The following ATP11A variants were observed in gnomAD, a reference collection of about 807,000 sequenced individuals.
ATP11A encodes ATPase phospholipid transporting 11A.
A neutral mutation model predicts 154.4 loss-of-function variants in ATP11A; 81 were observed. The ratio of observed to expected loss-of-function variants is 0.52; its 90% confidence interval spans 0.44 to 0.63. ATP11A has a LOEUF of 0.63. ATP11A is among the 30% of genes least tolerant of loss of function. The pLI, the probability that ATP11A is intolerant of heterozygous loss-of-function variation, is 0.00. For missense variants in ATP11A, 1,316 were observed against 1,474.3 expected (o/e 0.89, Z 1.76); for synonymous variants, 623 against 585.9 (o/e 1.06, Z -0.91).
chr13:112,751,375 T>C (rs187303897), intron 1 of ATP11A, among the ~76,000 whole-genome samples: 4 of 152,298 alleles, frequency 2.6e-5, no homozygotes, highest in Admixed American at 6.5e-5. Context: ...AAATTAGCCC[T>C]TGCCAGGTAC....
chr13:112,848,845 G>A (rs1182748124), intron 17 of ATP11A, among the ~76,000 whole-genome samples: 3 of 152,126 alleles, frequency 2.0e-5, no homozygotes, highest in Admixed American at 6.6e-5. Context: ...GCACCACCAC[G>A]CCTGGCTAAT....
intron 1 of ATP11A, among the ~76,000 whole-genome samples, chr13:112,757,491 A>G (rs1364812759): frequency 2.0e-5 from 3 of 152,234 alleles, no homozygotes; most frequent in African/African-American, 7.2e-5. Context: ...TAGCTTCTCT[A>G]TTTCCACATT....
In ATP11A at chr13:112,838,065, T is replaced by C. The variant is rs1490367487; in HGVS notation, c.1705+1814T>C. On this transcript the variant is annotated intron_variant, in intron 16 of 29. Transcript: ENST00000375645. This position sits in a 1 kb window ranked among gnomAD's most constrained non-coding sequence, Gnocchi z 7.3. ...ACAGTGAGATGTCTACTGATGGTCATAGGATGAGGAACAATCTGTGTGTGA... is the reference window on the plus strand; with the variant it reads ...ACAGTGAGATGTCTACTGATGGTCACAGGATGAGGAACAATCTGTGTGTGA... Among the ~76,000 whole-genome samples the C allele has an allele frequency of 1.3e-5, 2 of 152,020 alleles. No individual in the cohort carries two copies. The highest frequency in any genetic ancestry group is 1.3e-4 in the Admixed American group (2 of 15,282).
chr13:112,731,259 G>T (rs922791102), intron 1 of ATP11A, among the ~76,000 whole-genome samples: 5 of 152,170 alleles, frequency 3.3e-5, no homozygotes, highest in African/African-American at 1.2e-4. Flanking sequence ...ATGAGCTACT[G>T]TGTCCGGCCT....
chr13:112,845,547 A>G (rs1443777375), intron 17 of ATP11A, among the ~76,000 whole-genome samples: 2 of 117,916 alleles, frequency 1.7e-5, no homozygotes, highest in African/African-American at 4.0e-5. Flanking sequence ...AGTTGCTGGC[A>G]CTAGCGGTAC....
chr13:112,825,639 A>C (rs1034307369), intron 11 of ATP11A, 59 bp downstream of exon 11: 4 of 1,514,672 alleles, frequency 2.6e-6, no homozygotes, highest in Admixed American at 2.2e-5. Context: ...TTATTACGAA[A>C]ATGTGGTGCA....
At chr13:112,765,438 A>G (rs1245848106) in intron 1 of ATP11A, among the ~76,000 whole-genome samples, 1 of 151,002 alleles carries the variant, frequency 6.6e-6, no homozygotes, top group Non-Finnish European at 1.5e-5. Flanking sequence ...CCTTCCCCTC[A>G]CTCCATCTGA....
intron 19 of ATP11A, 68 bp downstream of exon 19, chr13:112,854,598 A>C (rs2079870608): frequency 6.5e-7 from 1 of 1,530,722 alleles, no homozygotes. Flanking sequence ...AGTGGCCTTC[A>C]CCTGCAAGTC....
At chr13:112,786,937 C>A (rs1167847966) in intron 2 of ATP11A, among the ~76,000 whole-genome samples, 2 of 150,100 alleles carry the variant, frequency 1.3e-5, no homozygotes, top group Non-Finnish European at 3.0e-5. Context: ...ACGTGTAGAC[C>A]CCTGTGGAGA....
At chr13:112,815,984 T>C in intron 5 of ATP11A, 99 bp from the exon 6 acceptor site, 2 of 1,529,616 alleles carry the variant, frequency 1.3e-6, no homozygotes, top group East Asian at 2.3e-5. Flanking sequence ...CGTGTCTTCC[T>C]GTGAATAGAT....
intron 6 of ATP11A, 145 bp from the exon 7 acceptor site, chr13:112,819,159 G>GTAGT (rs1376446078): frequency 5.8e-6 from 4 of 692,042 alleles, no homozygotes; most frequent in Non-Finnish European, 1.0e-5. Flanking sequence ...AGGAATAACA[G>GTAGT]TAGTACCTTA....
intron 27 of ATP11A, 129 bp downstream of exon 27, chr13:112,873,805 T>A: frequency 1.1e-6 from 1 of 871,126 alleles, no homozygotes; most frequent in Non-Finnish European, 1.8e-6. Context: ...ATGGCTGCTG[T>A]GTGCTGGGTG....
chr13:112,866,600 C>A (rs1240544708), intron 25 of ATP11A, among the ~76,000 whole-genome samples: 1 of 67,286 alleles, frequency 1.5e-5, no homozygotes, highest in African/African-American at 4.7e-5. Context: ...AAGCAGACAC[C>A]AGCGCTGACC....
intron 24 of ATP11A, among the ~76,000 whole-genome samples, chr13:112,861,997 C>T (rs1566585635): frequency 6.6e-6 from 1 of 152,102 alleles, no homozygotes; most frequent in Non-Finnish European, 1.5e-5. Flanking sequence ...TCACGTCAGG[C>T]GTAAGGTGTC....
chr13:112,789,347 T>C (rs1275287488), intron 2 of ATP11A, among the ~76,000 whole-genome samples: 2 of 149,176 alleles, frequency 1.3e-5, no homozygotes, highest in Admixed American at 1.3e-4. Context: ...TCACACCGAG[T>C]GTCCTGACGT....
chr13:112,881,760 C>G, intron 29 of ATP11A, 116 bp from the exon 30 acceptor site: 1 of 1,344,120 alleles, frequency 7.4e-7, no homozygotes, highest in Non-Finnish European at 9.9e-7. Flanking sequence ...TCAGGTCACC[C>G]CAGGCAGCCC....
At chr13:112,737,531 G>A (rs749857978) in intron 1 of ATP11A, among the ~76,000 whole-genome samples, 1 of 152,232 alleles carries the variant, frequency 6.6e-6, no homozygotes, top group Non-Finnish European at 1.5e-5. Context: ...CAGAAGGAGA[G>A]GAGGGAAGGG....
At chr13:112,845,940 G>T (rs1394155168) in intron 17 of ATP11A, among the ~76,000 whole-genome samples, 1 of 152,166 alleles carries the variant, frequency 6.6e-6, no homozygotes, top group Non-Finnish European at 1.5e-5. Context: ...TGATTCTTCC[G>T]CCTGTTGGCA....
At chr13:112,779,893 A>T (rs942554903) in intron 1 of ATP11A, among the ~76,000 whole-genome samples, 6 of 152,226 alleles carry the variant, frequency 3.9e-5, no homozygotes, top group African/African-American at 1.2e-4. Context: ...GATGAGAGCA[A>T]AACTCTGTCT....
Sources: gnomAD v4.1 joint callset for allele counts (sites outside exome capture counted in the v4.1 genomes callset) on GRCh38, gnomAD v4.1.1 for gene constraint, Gnocchi (gnomAD v3.1) non-coding constraint, MANE v1.5 for transcripts, NCBI Gene and HGNC (gene_info 2026-07-23, HGNC 2026-07-21) for gene names.